The following COL18A1 variants were observed in gnomAD, a reference collection of about 807,000 sequenced individuals.
COL18A1 encodes the protein collagen type XVIII alpha 1 chain.
A neutral mutation model predicts 168.0 loss-of-function variants in COL18A1; 133 were observed. The observed-to-expected ratio is 0.79, with a 90% CI of 0.69 to 0.91. The LOEUF (loss-of-function observed/expected upper bound fraction) is 0.91, where lower values mean the gene tolerates loss of function less well. Among genes scored for constraint, COL18A1 ranks in the 40% least tolerant of loss-of-function variants. The pLI is 0.00. For missense variants in COL18A1, 2,126 were observed against 1,925.4 expected (o/e 1.10, Z -1.95); for synonymous variants, 949 against 809.0 (o/e 1.17, Z -2.94).
intron 2 of COL18A1, among the ~76,000 whole-genome samples, chr21:45,414,072 G>C (rs1359012730): frequency 6.6e-6 from 1 of 152,238 alleles, no homozygotes; most frequent in Non-Finnish European, 1.5e-5. Flanking sequence ...GGAGGATCGG[G>C]AGGAGGAGGG....
At chr21:45,409,085 G>A (rs143164139) in intron 2 of COL18A1, among the ~76,000 whole-genome samples, 8 of 152,308 alleles carry the variant, frequency 5.3e-5, no homozygotes, top group Non-Finnish European at 1.2e-4. Flanking sequence ...CCCCACCCCC[G>A]GCATGGGGCA....
At chr21:45,482,132 C>T (rs762451179) in intron 14 of COL18A1, 107 bp downstream of exon 14, 12 of 839,102 alleles carry the variant, frequency 1.4e-5, no homozygotes, top group Non-Finnish European at 2.2e-5. Context: ...CCAGGAATAG[C>T]CCCCCATCAC....
intron 2 of COL18A1, among the ~76,000 whole-genome samples, chr21:45,452,840 A>C (rs1259516988): frequency 7.3e-6 from 1 of 136,442 alleles, no homozygotes; most frequent in Non-Finnish European, 1.6e-5. Context: ...GACATGTGTA[A>C]ACATGTATGT....
intron 14 of COL18A1, 174 bp downstream of exon 14, chr21:45,482,199 G>C (rs2035923470): frequency 3.2e-6 from 2 of 628,228 alleles, no homozygotes; most frequent in Admixed American, 2.7e-5. Context: ...GGCGGCTGGG[G>C]CTTGGGTAGA....
intron 2 of COL18A1, among the ~76,000 whole-genome samples, chr21:45,451,553 A>G (rs1222965892): frequency 6.6e-6 from 1 of 152,162 alleles, no homozygotes; most frequent in African/African-American, 2.4e-5. Flanking sequence ...CACAGGGATG[A>G]TGCACTTGTC....
chr21:45,429,106 T>G (rs1229170422), intron 2 of COL18A1, among the ~76,000 whole-genome samples: 1 of 152,130 alleles, frequency 6.6e-6, no homozygotes. Flanking sequence ...TTTCATCATG[T>G]TGGCCAGGAT....
At chr21:45,437,195 C>T (rs1458640863) in intron 2 of COL18A1, among the ~76,000 whole-genome samples, 1 of 110,924 alleles carries the variant, frequency 9.0e-6, no homozygotes, top group African/African-American at 4.3e-5. Context: ...CACACAGACA[C>T]ACAGGCACTC....
In COL18A1 at chr21:45,480,756, C is replaced by T. The variant is rs112723616; in HGVS notation, c.1509C>T (p.Gly503=). The change falls in exon 13 of 42, where the codon GGC becomes GGT. Residue 503 remains glycine, a synonymous_variant. Coordinates refer to ENST00000651438, the MANE Select transcript of COL18A1 (RefSeq NM_001379500.1). ...PGPPGVPGLP[G]EPGRFGVNSS... is the part of the protein sequence containing the mutation. ...CCCCCGGTGTCCCAGGCCTGCCCGG[C>T]GAGCCAGGCCGCTTTGGGGTGAACA... The T allele has an allele frequency of 2.5e-3, 4,066 of 1,610,660 alleles. 76 individuals are homozygous for T. In the African/African-American group the frequency reaches 0.042, roughly 17 times the overall value.
chr21:45,453,777 A>C lies in COL18A1; in HGVS notation c.107-14465A>C, dbSNP rs73909560. Among the ~76,000 whole-genome samples, 827 of 152,214 alleles carry C rather than the reference A, an allele frequency of 5.4e-3. 12 individuals are homozygous for C. Among genetic ancestry groups the C allele is most frequent in the African/African-American group, 0.019 (799 of 41,530 alleles). ...GCCATGGGGCTGCCACCATCCTCCA[A>C]GTGTGGCCCCGAGGGCCGGAGCTGC... On this transcript the variant is annotated intron_variant, in intron 2 of 41. Transcript: ENST00000651438.
At chr21:45,480,674 G>A (rs777790276) in intron 12 of COL18A1, 26 bp from the exon 13 acceptor site, 2 of 1,610,936 alleles carry the variant, frequency 1.2e-6, no homozygotes, top group South Asian at 1.1e-5. Context: ...CATGGGCTGT[G>A]ACTATCTGTG....
chr21:45,478,735 C>G (rs1389234972), intron 9 of COL18A1, among the ~76,000 whole-genome samples: 1 of 152,028 alleles, frequency 6.6e-6, no homozygotes, highest in African/African-American at 2.4e-5. Flanking sequence ...AGCTTCGTCG[C>G]AAAACACGCA....
chr21:45,510,391 G>A, intron 40 of COL18A1, 130 bp downstream of exon 40: 2 of 1,067,020 alleles, frequency 1.9e-6, no homozygotes, highest in East Asian at 2.6e-5. Flanking sequence ...CGCCTAGGCT[G>A]GCGACTTCAG....
chr21:45,428,082 C>G (rs555755805), intron 2 of COL18A1, among the ~76,000 whole-genome samples: 9 of 152,350 alleles, frequency 5.9e-5, no homozygotes, highest in Non-Finnish European at 1.3e-4. Context: ...CTCCATGAAG[C>G]CTTCCTGACT....
At chr21:45,485,188 G>A (rs1486431008) in intron 15 of COL18A1, among the ~76,000 whole-genome samples, 8 of 104,900 alleles carry the variant, frequency 7.6e-5, no homozygotes, top group African/African-American at 2.6e-4. Flanking sequence ...TTTAGTAGAG[G>A]CAGGGTTTCG....
intron 9 of COL18A1, among the ~76,000 whole-genome samples, chr21:45,479,509 A>G (rs551525818): frequency 6.6e-6 from 1 of 152,206 alleles, no homozygotes; most frequent in East Asian, 1.9e-4. Context: ...TGTGCACACC[A>G]TGGATTATGC....
intron 4 of COL18A1, among the ~76,000 whole-genome samples, chr21:45,474,282 GTCTCTGTGTCT>G (rs2035551803): frequency 1.3e-5 from 2 of 150,654 alleles, no homozygotes; most frequent in African/African-American, 5.0e-5. Context: ...TGTGTGGTGT[GTCTCTGTGTCT>G]TGTGTGGTGT....
rs1211684487 is a variant in COL18A1, at chr21:45,477,754, G to T, written c.1010G>T (p.Gly337Val). Residue 337 changes from glycine to valine, a missense_variant, in exon 8 of 42, where the codon GGC becomes GTC. Gly to Val is a moderately radical substitution (Grantham distance 109). Transcript: ENST00000651438. ...CTGTGTTCTGTTTATTCCCAGGGCG[G>T]CCTGAAGGGGCAGAAAGGGGAGCCA... ...RTPGGRVKEG[G>V]LKGQKGEPGV... The T allele has an allele frequency of 6.5e-7, 1 of 1,538,428 alleles. No individual in the cohort carries two copies.
At chr21:45,421,410 T>A (rs1341314346) in intron 2 of COL18A1, 5 of 534,064 alleles carry the variant, frequency 9.4e-6, no homozygotes, top group South Asian at 7.0e-5. Flanking sequence ...AGAGCCAGAG[T>A]CCGCCCGTGT....
intron 2 of COL18A1, among the ~76,000 whole-genome samples, chr21:45,411,766 T>TGGGG (rs56879596): frequency 2.5e-5 from 1 of 39,216 alleles, no homozygotes. Flanking sequence ...TGGCGGGGGG[T>TGGGG]GGGGGGGGGG....
Sources: allele counts gnomAD v4.1 joint callset (sites outside exome capture counted in the v4.1 genomes callset), GRCh38; gene constraint gnomAD v4.1.1; transcripts MANE v1.5; gene names NCBI Gene and HGNC (gene_info 2026-07-23, HGNC 2026-07-21).